The following GALNT13 variants were observed in gnomAD, a reference collection of about 807,000 sequenced individuals.
The protein encoded by GALNT13 is polypeptide N-acetylgalactosaminyltransferase 13, also known as UDP-GalNAc:polypeptide N-acetylgalactosaminyltransferase 13.
GALNT13 carries 28 observed loss-of-function variants against 64.2 expected under a neutral mutation model. That is an observed-to-expected ratio of 0.44 (90% confidence interval 0.32 to 0.60). GALNT13 has a LOEUF of 0.60. Ranked by LOEUF, GALNT13 falls within the 20% of genes least tolerant of loss-of-function variation. The pLI is 0.05. For missense variants in GALNT13, 577 were observed against 669.8 expected (o/e 0.86, Z 1.53); for synonymous variants, 214 against 224.6 (o/e 0.95, Z 0.42).
chr2:154,043,770 CAT>C (rs1699137972), intron 3 of GALNT13, among the ~76,000 whole-genome samples: 1 of 151,934 alleles, frequency 6.6e-6, no homozygotes, highest in African/African-American at 2.4e-5. Flanking sequence ...TCATAACAAA[CAT>C]GTGACCTACA....
the GALNT13 span, among the ~76,000 whole-genome samples, chr2:153,753,332 A>G: frequency 2.0e-5 from 3 of 152,030 alleles, no homozygotes; most frequent in Non-Finnish European, 4.4e-5. Context: ...GGCATTGAAG[A>G]GTTAGGTGTT....
Position 154,166,866 on chromosome 2 carries a change from C to G in GALNT13, c.311+26361C>G, listed in dbSNP as rs1452047466. 7.2e-5 allele frequency among the ~76,000 whole-genome samples: 11 copies of G among 152,140 alleles called. No individual in the cohort carries two copies. The East Asian group carries it at 2.1e-3, about 30-fold the overall frequency. Reference sequence around the variant, plus strand: ...GCTGGAAACCATCATTCTGAGCAAACTATCGCAAGGACAGAAAACCAAACA... The same window carrying G: ...GCTGGAAACCATCATTCTGAGCAAAGTATCGCAAGGACAGAAAACCAAACA... On this transcript the variant is annotated intron_variant, in intron 4 of 12. Coordinates refer to ENST00000392825, the MANE Select transcript of GALNT13 (RefSeq NM_052917.4).
At chr2:153,757,543 T>A in the GALNT13 span, among the ~76,000 whole-genome samples, 1 of 152,130 alleles carries the variant, frequency 6.6e-6, no homozygotes. Context: ...TATTTTTACT[T>A]TTTTCAGGAG....
chr2:154,139,301 A>G (rs564880070), intron 3 of GALNT13, among the ~76,000 whole-genome samples: 3 of 152,180 alleles, frequency 2.0e-5, no homozygotes, highest in African/African-American at 4.8e-5. Flanking sequence ...TATGTTTTTA[A>G]TGAAATGTTC....
the GALNT13 span, among the ~76,000 whole-genome samples, chr2:153,394,019 A>T: frequency 6.6e-6 from 1 of 151,312 alleles, no homozygotes; most frequent in African/African-American, 2.4e-5. Flanking sequence ...CTTCTGGGGA[A>T]CCTTGACTAA....
intron 4 of GALNT13, among the ~76,000 whole-genome samples, chr2:154,198,996 A>C (rs1687029947): frequency 1.3e-5 from 2 of 152,048 alleles, no homozygotes; most frequent in African/African-American, 2.4e-5. Context: ...TCCAACAAAA[A>C]TATATGTATA....
rs707083 is a variant in GALNT13 at position 154,451,336 on chromosome 2, T to A, written c.*785T>A. The stretch of plus-strand genomic sequence containing the variant: ...TCTTGCTCCTAGAGTTTATGTTGGA[T>A]ACTCAATTCTTAACCAAAATCTTGG... On this transcript the variant is annotated 3_prime_UTR_variant, in exon 13 of 13. Transcript: ENST00000392825. 0.29 allele frequency: 44,798 copies of A among 151,964 alleles called. 6,793 individuals carry two copies. The highest frequency in any genetic ancestry group is 0.52 in the East Asian group (2,660 of 5,124). 9.4% of individuals were successfully genotyped at this position (151,964 alleles called of 1,614,324 possible).
At chr2:153,203,148 A>T in the GALNT13 span, among the ~76,000 whole-genome samples, 4 of 152,210 alleles carry the variant, frequency 2.6e-5, no homozygotes, top group Admixed American at 6.5e-5. Context: ...TTTTTAGGAC[A>T]TTTAGAATTC....
chr2:153,632,225 T>G, the GALNT13 span, among the ~76,000 whole-genome samples: 1 of 152,284 alleles, frequency 6.6e-6, no homozygotes, highest in South Asian at 2.1e-4. Flanking sequence ...GAAAAATCAG[T>G]TTTAAACTCA....
chr2:154,238,097 A>G (rs774654068), intron 4 of GALNT13, among the ~76,000 whole-genome samples: 2 of 152,016 alleles, frequency 1.3e-5, no homozygotes. Context: ...ACTGAATCAG[A>G]ATCTGCATTT....
the GALNT13 span, among the ~76,000 whole-genome samples, chr2:153,703,703 T>A: frequency 6.6e-6 from 1 of 152,182 alleles, no homozygotes; most frequent in African/African-American, 2.4e-5. Flanking sequence ...TTTAGCCTTA[T>A]CAAACCAAGC....
At chr2:153,840,887 G>A in the GALNT13 span, among the ~76,000 whole-genome samples, 2 of 151,984 alleles carry the variant, frequency 1.3e-5, no homozygotes, top group African/African-American at 2.4e-5. Flanking sequence ...CAATTGAAGA[G>A]GTAAATTGAA....
At chr2:153,383,879 G>A in the GALNT13 span, among the ~76,000 whole-genome samples, 5 of 152,088 alleles carry the variant, frequency 3.3e-5, no homozygotes, top group East Asian at 9.7e-4. Context: ...TAAGACTCAT[G>A]GGGAAAGAGC....
the GALNT13 span, among the ~76,000 whole-genome samples, chr2:153,345,365 A>G: frequency 6.6e-6 from 1 of 152,136 alleles, no homozygotes; most frequent in African/African-American, 2.4e-5. Context: ...AACTCCAGGA[A>G]CCAGTTGGTT....
chr2:153,664,315 A>G, the GALNT13 span, among the ~76,000 whole-genome samples: 2 of 152,164 alleles, frequency 1.3e-5, no homozygotes, highest in Non-Finnish European at 2.9e-5. Flanking sequence ...GAATTCAGTG[A>G]TATTTCTCCT....
chr2:153,727,430 A>G, the GALNT13 span, among the ~76,000 whole-genome samples: 1 of 152,192 alleles, frequency 6.6e-6, no homozygotes, highest in Non-Finnish European at 1.5e-5. Flanking sequence ...TCTATAATAA[A>G]TAGTGCTTTC....
chr2:153,911,115 G>A (rs1422652272), intron 2 of GALNT13, among the ~76,000 whole-genome samples: 1 of 152,164 alleles, frequency 6.6e-6, no homozygotes, highest in African/African-American at 2.4e-5. Flanking sequence ...TCAGTTGGGT[G>A]TATATACGTT....
At chr2:153,969,343 T>A (rs1021143896) in intron 3 of GALNT13, among the ~76,000 whole-genome samples, 5 of 152,054 alleles carry the variant, frequency 3.3e-5, no homozygotes, top group African/African-American at 9.6e-5. Context: ...AAAATTTTTT[T>A]AAATTAAAAA....
At chr2:153,389,602 A>G in the GALNT13 span, among the ~76,000 whole-genome samples, 1 of 152,126 alleles carries the variant, frequency 6.6e-6, no homozygotes, top group Non-Finnish European at 1.5e-5. Flanking sequence ...TTAAGAATGA[A>G]AGAATGCCCG....
Sources: gnomAD v4.1 joint callset for allele counts (sites outside exome capture counted in the v4.1 genomes callset) on GRCh38, gnomAD v4.1.1 for gene constraint, MANE v1.5 for transcripts, NCBI Gene and HGNC (gene_info 2026-07-23, HGNC 2026-07-21) for gene names.